The following SORCS3 variants were observed in gnomAD, a reference collection of about 807,000 sequenced individuals.
The protein encoded by SORCS3 is VPS10 domain-containing receptor SorCS3.
A neutral mutation model predicts 146.3 loss-of-function variants in SORCS3; 57 were observed. That is an observed-to-expected ratio of 0.39 (90% CI 0.31 to 0.49). The LOEUF (loss-of-function observed/expected upper bound fraction) is 0.49. Among genes scored for constraint, SORCS3 ranks in the 20% least tolerant of loss-of-function variants. The pLI, the probability that SORCS3 is intolerant of heterozygous loss-of-function variation, is 0.92. For synonymous variants in SORCS3, 653 were observed against 618.5 expected, an observed-to-expected ratio of 1.06 and a Z score of -0.83; for missense variants, 1,341 against 1,575.5, an observed-to-expected ratio of 0.85 and a Z score of 2.52.
chr10:104,739,622 A>G (rs1206920942), intron 1 of SORCS3, among the ~76,000 whole-genome samples: 1 of 152,226 alleles, frequency 6.6e-6, no homozygotes, highest in Non-Finnish European at 1.5e-5. Context: ...GGGGGAGGTC[A>G]ACAGGGCTTT....
chr10:104,893,690 C>A (rs1444807398), intron 2 of SORCS3, among the ~76,000 whole-genome samples: 1 of 152,190 alleles, frequency 6.6e-6, no homozygotes, highest in Non-Finnish European at 1.5e-5. Context: ...TTCCAAATGC[C>A]CAAGATGCCT....
chr10:104,665,238 A>C (rs2015757992), intron 1 of SORCS3: 1 of 152,292 alleles, frequency 6.6e-6, no homozygotes, highest in African/African-American at 2.4e-5. Context: ...GTTAGTTCAT[A>C]AATAATGATG....
At chr10:104,832,418 G>A (rs1006594065) in intron 1 of SORCS3, among the ~76,000 whole-genome samples, 31 of 152,122 alleles carry the variant, frequency 2.0e-4, no homozygotes, top group Admixed American at 6.5e-5. Flanking sequence ...TCAGCTTCCA[G>A]TTCAATAGAA....
chr10:105,083,248 A>G (rs904216370), intron 5 of SORCS3, among the ~76,000 whole-genome samples: 2 of 152,204 alleles, frequency 1.3e-5, no homozygotes, highest in African/African-American at 4.8e-5. Flanking sequence ...TGCTTTCTAG[A>G]AACTTTCTAG....
intron 3 of SORCS3, among the ~76,000 whole-genome samples, chr10:104,976,840 A>T (rs1198997851): frequency 6.6e-6 from 1 of 152,072 alleles, no homozygotes; most frequent in Non-Finnish European, 1.5e-5. Context: ...ATTCTCACTC[A>T]TAGGTGGGAA....
At chr10:104,715,691 T>A (rs1449384017) in intron 1 of SORCS3, among the ~76,000 whole-genome samples, 1 of 152,208 alleles carries the variant, frequency 6.6e-6, no homozygotes, top group Non-Finnish European at 1.5e-5. Flanking sequence ...AGGTGTATTT[T>A]AAAATGTATG....
chr10:105,151,608 T>A (rs2056168033), intron 9 of SORCS3, among the ~76,000 whole-genome samples: 1 of 152,008 alleles, frequency 6.6e-6, no homozygotes, highest in African/African-American at 2.4e-5. Flanking sequence ...CTCTGAAGCT[T>A]CTTCTTGGTA....
chr10:105,263,179 G>A (rs1382924535), intron 26 of SORCS3, 131 bp from the exon 27 acceptor site: 7 of 724,274 alleles, frequency 9.7e-6, no homozygotes, highest in African/African-American at 1.8e-5. Flanking sequence ...AACGATATCC[G>A]GGTGCCTTTT....
At chr10:105,175,661 T>C (rs1441648768) in intron 13 of SORCS3, among the ~76,000 whole-genome samples, 1 of 152,256 alleles carries the variant, frequency 6.6e-6, no homozygotes. Context: ...ACCTGTTTCT[T>C]TGACAAGCAA....
At chr10:104,694,644 A>G (rs1358405052) in intron 1 of SORCS3, among the ~76,000 whole-genome samples, 1 of 152,114 alleles carries the variant, frequency 6.6e-6, no homozygotes, top group Non-Finnish European at 1.5e-5. Context: ...TCAAGGAAGG[A>G]TGGATGCAGA....
chr10:105,147,490 T>A, intron 8 of SORCS3, 127 bp from the exon 9 acceptor site: 1 of 688,736 alleles, frequency 1.5e-6, no homozygotes, highest in Non-Finnish European at 2.3e-6. Flanking sequence ...AACATGGAAT[T>A]GTTTAACATT....
At chr10:104,815,471 A>AT (rs5787550) in intron 1 of SORCS3, among the ~76,000 whole-genome samples, 3 of 150,400 alleles carry the variant, frequency 2.0e-5, no homozygotes, top group Non-Finnish European at 3.0e-5. Context: ...AAAAAAAAAA[A>AT]GTCACCCACT....
chr10:105,261,425 C>T (rs1293316765), intron 25 of SORCS3, among the ~76,000 whole-genome samples: 2 of 152,176 alleles, frequency 1.3e-5, no homozygotes, highest in Non-Finnish European at 2.9e-5. Context: ...ACAGCATCAG[C>T]ATCACCTGGG....
At position 104,641,857 on chromosome 10, in the gene SORCS3, C is replaced by A; in HGVS notation, c.530C>A (p.Ala177Glu). Residue 177 changes from alanine to glutamate, a missense_variant, in exon 1 of 27, where the codon GCG becomes GAG. Transcript: ENST00000369701. This position sits in a 1 kb window ranked among gnomAD's most constrained non-coding sequence, Gnocchi z 6.4. The part of the protein sequence containing the change: ...EVKAPRAGGS[A>E]AEDLRLPSTS... ...AAGGCGCCGCGGGCTGGGGGGTCGG[C>A]GGCTGAAGACCTCCGGCTGCCCAGC... The A allele has an allele frequency of 6.3e-7, 1 of 1,574,882 alleles. No individual in the cohort carries two copies. Among genetic ancestry groups the A allele is most frequent in the South Asian group, 1.2e-5 (1 of 86,252 alleles).
chr10:105,163,578 G>T (rs967488058), intron 11 of SORCS3, among the ~76,000 whole-genome samples: 1 of 152,152 alleles, frequency 6.6e-6, no homozygotes, highest in African/African-American at 2.4e-5. Flanking sequence ...GACTAGAAAA[G>T]CTTGACCACT....
At chr10:104,881,005 G>T (rs1464741268) in intron 2 of SORCS3, among the ~76,000 whole-genome samples, 1 of 152,160 alleles carries the variant, frequency 6.6e-6, no homozygotes, top group Non-Finnish European at 1.5e-5. Context: ...AAATCTGAGA[G>T]ATAATGCCTT....
intron 6 of SORCS3, among the ~76,000 whole-genome samples, chr10:105,090,138 C>T (rs2055692190): frequency 6.6e-6 from 1 of 152,164 alleles, no homozygotes; most frequent in African/African-American, 2.4e-5. Context: ...GTCCATAACT[C>T]ATCATGGTAT....
intron 1 of SORCS3, among the ~76,000 whole-genome samples, chr10:104,763,336 G>C (rs1006097423): frequency 6.6e-6 from 1 of 152,188 alleles, no homozygotes; most frequent in Non-Finnish European, 1.5e-5. Flanking sequence ...ATCTATCAGG[G>C]AGTACATTTT....
chr10:105,098,287 A>C (rs1013481509), intron 6 of SORCS3, among the ~76,000 whole-genome samples: 7 of 152,202 alleles, frequency 4.6e-5, no homozygotes, highest in African/African-American at 1.7e-4. Flanking sequence ...AGGCAGAGTA[A>C]AACTCACTTT....
Sources: allele counts gnomAD v4.1 joint callset (sites outside exome capture counted in the v4.1 genomes callset), GRCh38; gene constraint gnomAD v4.1.1; non-coding constraint Gnocchi (gnomAD v3.1); transcripts MANE v1.5; gene names NCBI Gene and HGNC (gene_info 2026-07-23, HGNC 2026-07-21).